Variants in CD99 observed in about 807,000 individuals in gnomAD.
CD99 encodes CD99 molecule (Xg blood group).
A neutral mutation model predicts 28.4 loss-of-function variants in CD99; 19 were observed. That is an observed-to-expected ratio of 0.67 (90% CI 0.47 to 0.98). CD99 has a LOEUF of 0.98. Among genes scored for constraint, CD99 ranks in the 50% least tolerant of loss-of-function variants. The pLI is 0.00. For missense variants in CD99, 283 were observed against 248.8 expected (o/e 1.14, Z -0.92); for synonymous variants, 103 against 92.1 (o/e 1.12, Z -0.67).
At chrX:2,711,343 G>A (rs1306159550) in intron 1 of CD99, among the ~76,000 whole-genome samples, 3 of 148,782 alleles carry the variant, frequency 2.0e-5, no homozygotes, top group African/African-American at 7.4e-5. Context: ...TATGTAGTGT[G>A]TGTATACATA....
At chrX:2,732,081 T>G (rs983551939) in intron 8 of CD99, among the ~76,000 whole-genome samples, 3 of 151,992 alleles carry the variant, frequency 2.0e-5, no homozygotes, top group African/African-American at 4.8e-5. Flanking sequence ...AAAACCACAA[T>G]TACTTTTGCA....
intron 8 of CD99, 93 bp from the exon 9 acceptor site, chrX:2,738,107 G>C: frequency 8.7e-7 from 1 of 1,149,336 alleles, no homozygotes; most frequent in Non-Finnish European, 1.3e-6. Flanking sequence ...TAGGAGCGTC[G>C]ACCTCAGGAA....
At chrX:2,740,246 A>G (rs1317673889) in intron 9 of CD99, among the ~76,000 whole-genome samples, 1 of 152,210 alleles carries the variant, frequency 6.6e-6, no homozygotes, top group Non-Finnish European at 1.5e-5. Context: ...ATTAGCCAGT[A>G]CATTGGTATA....
chrX:2,716,482 A>T (rs1001911134), intron 2 of CD99, among the ~76,000 whole-genome samples: 1 of 151,832 alleles, frequency 6.6e-6, no homozygotes, highest in Non-Finnish European at 1.5e-5. Context: ...GACTACAGGC[A>T]TGTGCCACCT....
At chrX:2,735,507 A>G (rs2049887233) in intron 8 of CD99, among the ~76,000 whole-genome samples, 1 of 152,128 alleles carries the variant, frequency 6.6e-6, no homozygotes, top group Admixed American at 6.6e-5. Context: ...TATACTTTTC[A>G]ATGCAGTTTT....
At chrX:2,727,083 G>A (rs1318782799) in intron 8 of CD99, among the ~76,000 whole-genome samples, 1 of 152,222 alleles carries the variant, frequency 6.6e-6, no homozygotes, top group Non-Finnish European at 1.5e-5. Flanking sequence ...CTTGCAGTGA[G>A]CTGAGATCAT....
intron 1 of CD99, among the ~76,000 whole-genome samples, chrX:2,703,836 C>T (rs1241947570): frequency 3.3e-5 from 5 of 152,032 alleles, no homozygotes; most frequent in Non-Finnish European, 7.4e-5. Flanking sequence ...AGTCAGTTTC[C>T]GGTGTTTCCA....
chrX:2,714,645 C>T, intron 2 of CD99, 191 bp downstream of exon 2: 1 of 493,864 alleles, frequency 2.0e-6, no homozygotes, highest in Admixed American at 3.5e-5. Flanking sequence ...TATGCAATAG[C>T]ATTACCTCTA....
chrX:2,728,137 G>T (rs2049388769), intron 8 of CD99, among the ~76,000 whole-genome samples: 1 of 151,778 alleles, frequency 6.6e-6, no homozygotes, highest in South Asian at 2.1e-4. Context: ...TTTGGGCAGT[G>T]CGTGGAAGAC....
intron 1 of CD99, among the ~76,000 whole-genome samples, chrX:2,694,066 A>G (rs1010510038): frequency 1.3e-5 from 2 of 152,172 alleles, no homozygotes; most frequent in African/African-American, 4.8e-5. Context: ...CTGCCCCTGC[A>G]GTTAGGAGCC....
intron 1 of CD99, among the ~76,000 whole-genome samples, chrX:2,698,528 G>A (rs2047685478): frequency 6.6e-6 from 1 of 151,632 alleles, no homozygotes; most frequent in Non-Finnish European, 1.5e-5. Flanking sequence ...GTGCAGTGGT[G>A]TGATCTCAGC....
chrX:2,734,683 T>A (rs2049844357), intron 8 of CD99, among the ~76,000 whole-genome samples: 1 of 151,508 alleles, frequency 6.6e-6, no homozygotes, highest in Non-Finnish European at 1.5e-5. Context: ...TCTTTTTATC[T>A]TATTTCTTTT....
At position 2,720,319 on chromosome X, in the gene CD99, G is replaced by A. The variant is rs187550561; in HGVS notation, c.194-37G>A. 8,611 of 1,593,460 alleles carry A rather than the reference G, an allele frequency of 5.4e-3. 438 individuals are homozygous for A. The African/African-American group carries it at 0.1, about 19-fold the overall frequency. ...TGATGTTTCATTTTCTTTACTGCAA[G>A]GCACTTAAAATTGCAACTCTCATCT... On this transcript the variant is annotated intron_variant, in intron 4 of 9. Transcript: ENST00000381192.
rs1400398758 is a variant in CD99, at chrX:2,714,465, A to G, written c.100+11A>G. On this transcript the variant is annotated intron_variant, in intron 2 of 9. Transcript: ENST00000381192. ...CCGATGCCCTTCCTGGTGAGTATCA[A>G]CATCATTTTTTAAAATCCCGTCAAT... 1 of 1,595,872 alleles carries G rather than the reference A, an allele frequency of 6.3e-7. No individual in the cohort carries two copies. Among genetic ancestry groups the G allele is most frequent in the Admixed American group, 1.7e-5 (1 of 59,768 alleles).
At chrX:2,702,824 A>G (rs1174848779) in intron 1 of CD99, among the ~76,000 whole-genome samples, 23 of 151,814 alleles carry the variant, frequency 1.5e-4, no homozygotes, top group Non-Finnish European at 1.5e-5. Context: ...CTCTTTCGCC[A>G]AGGCTGGAGT....
intron 8 of CD99, among the ~76,000 whole-genome samples, chrX:2,726,868 C>T (rs2049314221): frequency 6.6e-6 from 1 of 152,168 alleles, no homozygotes; most frequent in Non-Finnish European, 1.5e-5. Flanking sequence ...GACATGGTGG[C>T]TCACACCTGT....
intron 1 of CD99, among the ~76,000 whole-genome samples, chrX:2,706,607 G>C (rs761594603): frequency 6.6e-6 from 1 of 152,166 alleles, no homozygotes. Context: ...GAGTGAATTG[G>C]ACATTTTTCA....
At chrX:2,723,204 G>A (rs1212250184) in intron 6 of CD99, 110 bp from the exon 7 acceptor site, 2 of 1,075,338 alleles carry the variant, frequency 1.9e-6, no homozygotes, top group East Asian at 2.4e-5. Flanking sequence ...TGGGTAACAT[G>A]TACCCCCGTA....
chrX:2,724,146 G>A (rs1431032976), intron 7 of CD99, among the ~76,000 whole-genome samples: 1 of 152,076 alleles, frequency 6.6e-6, no homozygotes, highest in African/African-American at 2.4e-5. Context: ...CCTCACCTAG[G>A]ACTACAAGGT....
Sources: allele counts gnomAD v4.1 joint callset (sites outside exome capture counted in the v4.1 genomes callset), GRCh38; gene constraint gnomAD v4.1.1; transcripts MANE v1.5; gene names NCBI Gene and HGNC (gene_info 2026-07-23, HGNC 2026-07-21).